The following DTNB variants were observed in gnomAD, a reference collection of about 807,000 sequenced individuals.
The protein encoded by DTNB is DTN-B.
Under a neutral mutation model 90.7 loss-of-function variants are expected in DTNB, and 63 were observed. The ratio of observed to expected loss-of-function variants is 0.69; its 90% CI spans 0.57 to 0.86. The LOEUF is 0.86. Ranked by LOEUF, DTNB falls within the 40% of genes least tolerant of loss-of-function variation. The pLI, the probability that DTNB is intolerant of heterozygous loss-of-function variation, is 0.00. For missense variants in DTNB, 744 were observed against 807.1 expected (o/e 0.92, Z 0.95); for synonymous variants, 277 against 286.7 (o/e 0.97, Z 0.34).
intron 9 of DTNB, among the ~76,000 whole-genome samples, chr2:25,496,788 A>G (rs1340074725): frequency 2.0e-5 from 3 of 151,196 alleles, no homozygotes; most frequent in African/African-American, 7.3e-5. Flanking sequence ...TGTTGCAATG[A>G]GCTGAGATTG....
intron 3 of DTNB, among the ~76,000 whole-genome samples, chr2:25,638,513 GAAGA>G (rs1216833174): frequency 2.0e-5 from 3 of 152,132 alleles, no homozygotes; most frequent in African/African-American, 7.2e-5. Flanking sequence ...GAAATAAAGA[GAAGA>G]AAGATTAAGT....
At chr2:25,622,951 G>C (rs191008996) in intron 4 of DTNB, among the ~76,000 whole-genome samples, 1 of 152,220 alleles carries the variant, frequency 6.6e-6, no homozygotes, top group Non-Finnish European at 1.5e-5. Context: ...TAAACAGTAG[G>C]ATGGCTCCAG....
intron 12 of DTNB, 60 bp from the exon 13 acceptor site, chr2:25,434,055 C>G: frequency 6.9e-7 from 1 of 1,447,082 alleles, no homozygotes; most frequent in Non-Finnish European, 9.5e-7. Context: ...ACCCAGAGTT[C>G]TAGATTGACT....
chr2:25,418,749 C>T (rs1174353269), intron 16 of DTNB, among the ~76,000 whole-genome samples: 2 of 151,636 alleles, frequency 1.3e-5, no homozygotes, highest in African/African-American at 4.8e-5. Context: ...GTATTTATCT[C>T]CCAAAGGATA....
At chr2:25,532,011 C>T (rs1282248067) in intron 8 of DTNB, among the ~76,000 whole-genome samples, 2 of 152,044 alleles carry the variant, frequency 1.3e-5, no homozygotes, top group Non-Finnish European at 2.9e-5. Context: ...CTTTGGAAGG[C>T]CAAGGTAGGT....
chr2:25,448,855 CAAAAAAA>C (rs57986514), intron 12 of DTNB, among the ~76,000 whole-genome samples: 5 of 79,554 alleles, frequency 6.3e-5, no homozygotes, highest in Admixed American at 5.7e-4. Context: ...GATTCCATCT[CAAAAAAA>C]AAAAAAAAAA....
At chr2:25,458,199 C>T (rs933525248) in intron 10 of DTNB, among the ~76,000 whole-genome samples, 6 of 151,956 alleles carry the variant, frequency 3.9e-5, no homozygotes, top group Admixed American at 6.6e-5. Context: ...CAATTTTTTC[C>T]GAAATAGATG....
intron 4 of DTNB, among the ~76,000 whole-genome samples, chr2:25,619,286 C>T (rs894151638): frequency 6.6e-6 from 1 of 152,076 alleles, no homozygotes; most frequent in Non-Finnish European, 1.5e-5. Flanking sequence ...TATTACCAGT[C>T]CGATTATCAT....
At chr2:25,406,394 G>A (rs1300991124) in intron 16 of DTNB, among the ~76,000 whole-genome samples, 2 of 152,028 alleles carry the variant, frequency 1.3e-5, no homozygotes, top group Non-Finnish European at 2.9e-5. Flanking sequence ...AATTAGCCAG[G>A]TGTGGTGGTG....
At chr2:25,529,569 G>A (rs2077766073) in intron 9 of DTNB, among the ~76,000 whole-genome samples, 2 of 152,084 alleles carry the variant, frequency 1.3e-5, no homozygotes, top group Admixed American at 1.3e-4. Context: ...GTAGGGGTGG[G>A]AGACATCTTT....
intron 4 of DTNB, among the ~76,000 whole-genome samples, chr2:25,626,444 T>C (rs2074171475): frequency 6.6e-6 from 1 of 152,170 alleles, no homozygotes; most frequent in Admixed American, 6.5e-5. Context: ...CTGGGACTTA[T>C]GACACTTACA....
At chr2:25,433,286 C>T (rs768192804) in intron 13 of DTNB, among the ~76,000 whole-genome samples, 6 of 152,314 alleles carry the variant, frequency 3.9e-5, no homozygotes, top group Non-Finnish European at 5.9e-5. Context: ...TTATTTACTC[C>T]GTTCCACTCA....
chr2:25,625,035 C>A (rs956404608), intron 4 of DTNB, among the ~76,000 whole-genome samples: 1 of 152,096 alleles, frequency 6.6e-6, no homozygotes, highest in Non-Finnish European at 1.5e-5. Context: ...GTCTTAGATC[C>A]TATTTGTTCC....
intron 18 of DTNB, among the ~76,000 whole-genome samples, chr2:25,386,774 A>T (rs1231177360): frequency 6.6e-6 from 1 of 152,246 alleles, no homozygotes; most frequent in East Asian, 1.9e-4. Context: ...CGACAGACTC[A>T]GGTCATGAAC....
intron 1 of DTNB, among the ~76,000 whole-genome samples, chr2:25,653,376 A>G (rs755188662): frequency 1.6e-4 from 24 of 147,780 alleles, no homozygotes; most frequent in Non-Finnish European, 3.1e-4. Context: ...TCCCACCATG[A>G]TTCTGAGGCC....
Position 25,634,417 on chromosome 2 carries a change from C to T in DTNB, c.148+4597G>A, listed in dbSNP as rs1243701243. Among the ~76,000 whole-genome samples the T allele has an allele frequency of 3.4e-5, 5 of 147,004 alleles. No homozygotes were observed. The South Asian group carries it at 1.1e-3, about 32-fold the overall frequency. On this transcript the variant is annotated intron_variant, in intron 3 of 20. Coordinates refer to ENST00000406818, the MANE Select transcript of DTNB (RefSeq NM_021907.5). ...AGCCCCCCCGCCCGGCCACCCGCCC[C>T]GTCCGGGAGGGAGGTGGGGGGGTCA...
chr2:25,447,029 T>C (rs2058527180), intron 12 of DTNB, among the ~76,000 whole-genome samples: 2 of 152,396 alleles, frequency 1.3e-5, no homozygotes, highest in East Asian at 3.8e-4. Flanking sequence ...GTTTTAAATT[T>C]CAATAACTTT....
intron 1 of DTNB, chr2:25,653,287 G>C (rs1193408609): frequency 6.6e-6 from 1 of 152,338 alleles, no homozygotes; most frequent in African/African-American, 2.4e-5. Context: ...CGTGAAATCT[G>C]ATGGGTTTAT....
At chr2:25,657,326 C>T (rs1559412316) in intron 1 of DTNB, among the ~76,000 whole-genome samples, 1 of 152,138 alleles carries the variant, frequency 6.6e-6, no homozygotes, top group Non-Finnish European at 1.5e-5. Context: ...AAATTAACTG[C>T]CCCACAAAAG....
Sources: allele counts gnomAD v4.1 joint callset (sites outside exome capture counted in the v4.1 genomes callset), GRCh38; gene constraint gnomAD v4.1.1; transcripts MANE v1.5; gene names NCBI Gene and HGNC (gene_info 2026-07-23, HGNC 2026-07-21).